EMILIN2: variants seen among roughly 807,000 people sequenced by gnomAD.
EMILIN2 encodes elastin microfibril interfacer 2.
In EMILIN2, 71 loss-of-function variants were observed where a neutral mutation model predicts 87.1. That is an observed-to-expected ratio of 0.82 (90% CI 0.67 to 0.99). EMILIN2 has a LOEUF of 0.99. Ranked by LOEUF, EMILIN2 falls within the 50% of genes least tolerant of loss-of-function variation. The pLI is 0.00. For missense variants in EMILIN2, 1,407 were observed against 1,371.8 expected (o/e 1.03, Z -0.40); for synonymous variants, 581 against 563.4 (o/e 1.03, Z -0.44).
intron 3 of EMILIN2, among the ~76,000 whole-genome samples, chr18:2,886,614 G>A (rs964352104): frequency 1.3e-5 from 2 of 152,092 alleles, no homozygotes; most frequent in African/African-American, 4.8e-5. Flanking sequence ...CATACAGTTA[G>A]ACCATATTCT....
chr18:2,885,262 A>C (rs1598496502), intron 3 of EMILIN2, 123 bp downstream of exon 3: 6 of 1,044,802 alleles, frequency 5.7e-6, no homozygotes. Flanking sequence ...ACACATAGAT[A>C]CCTGCAGTAG....
In EMILIN2 at chr18:2,913,645, AC is replaced by A; in HGVS notation, c.*242del. 3.0e-6 allele frequency: 1 copy of A among 332,102 alleles called. No homozygotes were observed. Among genetic ancestry groups the A allele is most frequent in the South Asian group, 1.2e-4 (1 of 8,348 alleles). 20.6% of individuals were successfully genotyped at this position (332,102 alleles called of 1,614,324 possible). A position where few individuals can be genotyped will look rare whatever the true frequency, so the allele number is the denominator to read the frequency against. On this transcript the variant is annotated 3_prime_UTR_variant, in exon 8 of 8. Coordinates refer to ENST00000254528, the MANE Select transcript of EMILIN2 (RefSeq NM_032048.3). ...GCCACTCTAACTGGACAACTGGAAGACTTGGAAAGGCCTCCACCTGTATCTA... is the reference window on the plus strand; with the variant it reads ...GCCACTCTAACTGGACAACTGGAAGATTGGAAAGGCCTCCACCTGTATCTA...
intron 5 of EMILIN2, among the ~76,000 whole-genome samples, chr18:2,907,797 CTG>C (rs1347885543): frequency 6.6e-6 from 1 of 152,214 alleles, no homozygotes; most frequent in Non-Finnish European, 1.5e-5. Context: ...GATGAGGAAA[CTG>C]AGATTTGTGG....
chr18:2,905,871 G>T (rs1469449852), intron 4 of EMILIN2, among the ~76,000 whole-genome samples: 1 of 150,492 alleles, frequency 6.6e-6, no homozygotes, highest in Non-Finnish European at 1.5e-5. Flanking sequence ...TGATCCGGCC[G>T]CGTCGGCCTC....
In EMILIN2 at chr18:2,848,093, C is replaced by T. The variant is rs1251927698; in HGVS notation, c.257+162C>T. Among the ~76,000 whole-genome samples the T allele has an allele frequency of 6.6e-6, 1 of 152,210 alleles. No individual in the cohort carries two copies. The highest frequency in any genetic ancestry group is 1.5e-5 in the Non-Finnish European group (1 of 68,024). ...GCTCCGAGCGCTCGCGGGGCACCGG[C>T]CACGCTGGGCTATTTAGGGAGTGGG... is the stretch of plus-strand genomic sequence containing the variant. On this transcript the variant is annotated intron_variant, in intron 2 of 7. Transcript: ENST00000254528. The surrounding 1 kb of genome is among the most constrained non-coding windows in gnomAD (Gnocchi z 4.1).
At chr18:2,851,987 G>T (rs908376030) in intron 2 of EMILIN2, among the ~76,000 whole-genome samples, 6 of 152,154 alleles carry the variant, frequency 3.9e-5, no homozygotes, top group East Asian at 1.9e-4. Flanking sequence ...CTAATCCAGG[G>T]CTTTGCGGAC....
At position 2,883,873 on chromosome 18, in the gene EMILIN2, A is replaced by G. The variant is rs575968829; in HGVS notation, c.258-1091A>G. ...CTGCCATCTGCAAAAGCTGGTGGCT[A>G]CCTTTGCTAGCATCAGGAAAGGGAG... On this transcript the variant is annotated intron_variant, in intron 2 of 7. Transcript: ENST00000254528. Among the ~76,000 whole-genome samples the G allele has an allele frequency of 2.0e-5, 3 of 152,328 alleles. No individual in the cohort carries two copies. In the East Asian group the frequency reaches 5.8e-4, roughly 29 times the overall value.
rs192152478 is a variant in EMILIN2, at chr18:2,900,871, A to T, written c.2360-5912A>T. ...TGTCAGCACTTTGATGCTTTTTTTA[A>T]AAAAAAGTCTGAAGTCTTGATCAGC... On this transcript the variant is annotated intron_variant, in intron 4 of 7. Transcript: ENST00000254528. Among the ~76,000 whole-genome samples, 344 of 152,234 alleles carry T rather than the reference A, an allele frequency of 2.3e-3. 1 individual carries two copies. Among genetic ancestry groups the T allele is most frequent in the African/African-American group, 7.8e-3 (324 of 41,528 alleles).
intron 3 of EMILIN2, among the ~76,000 whole-genome samples, chr18:2,889,422 G>A (rs1002880227): frequency 1.3e-5 from 2 of 151,882 alleles, no homozygotes; most frequent in Non-Finnish European, 1.5e-5. Flanking sequence ...ACAGGCATGA[G>A]CCATCATGGC....
chr18:2,913,714 C>G lies in EMILIN2; in HGVS notation c.*310C>G. On this transcript the variant is annotated 3_prime_UTR_variant, in exon 8 of 8. Transcript: ENST00000254528. ...ACTGGGCCTGAGCTTGCCACAGAGG[C>G]TCCGTCTGACTGTGGGCTGGGAGGA... The G allele has an allele frequency of 3.5e-6, 1 of 289,488 alleles. No individual in the cohort carries two copies. Among genetic ancestry groups the G allele is most frequent in the South Asian group, 5.4e-5 (1 of 18,534 alleles). 17.9% of individuals were successfully genotyped at this position (289,488 alleles called of 1,614,324 possible).
chr18:2,883,502 AGGC>A (rs2076787695), intron 2 of EMILIN2, among the ~76,000 whole-genome samples: 1 of 152,236 alleles, frequency 6.6e-6, no homozygotes, highest in Non-Finnish European at 1.5e-5. Context: ...ATGATTTGCA[AGGC>A]AGGAAATCAC....
chr18:2,899,770 C>T (rs1279659111), intron 4 of EMILIN2, among the ~76,000 whole-genome samples: 1 of 152,150 alleles, frequency 6.6e-6, no homozygotes, highest in Non-Finnish European at 1.5e-5. Flanking sequence ...TCCCAAAGTG[C>T]TGGGATTACA....
chr18:2,900,328 C>G (rs1313280352), intron 4 of EMILIN2, among the ~76,000 whole-genome samples: 1 of 152,200 alleles, frequency 6.6e-6, no homozygotes, highest in Non-Finnish European at 1.5e-5. Context: ...GCCAGAACTA[C>G]AAGCACACAT....
intron 2 of EMILIN2, among the ~76,000 whole-genome samples, chr18:2,872,084 A>G (rs2076722579): frequency 6.6e-6 from 1 of 152,178 alleles, no homozygotes; most frequent in Non-Finnish European, 1.5e-5. Context: ...GTTATGGATG[A>G]TAGAGATAAG....
intron 2 of EMILIN2, among the ~76,000 whole-genome samples, chr18:2,875,927 C>G (rs1398481826): frequency 6.6e-6 from 1 of 151,254 alleles, no homozygotes; most frequent in Non-Finnish European, 1.5e-5. Context: ...AACTTCTATT[C>G]ATTACCCTAT....
At chr18:2,855,165 T>C (rs1217439444) in intron 2 of EMILIN2, among the ~76,000 whole-genome samples, 2 of 152,228 alleles carry the variant, frequency 1.3e-5, no homozygotes, top group African/African-American at 4.8e-5. Context: ...TTCCATTCCT[T>C]ATGGGCCCCT....
In EMILIN2 at chr18:2,901,205, A is replaced by G. The variant is rs201101367; in HGVS notation, c.2360-5578A>G. Among the ~76,000 whole-genome samples, 346 of 152,292 alleles carry G rather than the reference A, an allele frequency of 2.3e-3. 1 individual carries two copies. The highest frequency in any genetic ancestry group is 7.8e-3 in the African/African-American group (326 of 41,560). Reference sequence around the variant, plus strand: ...AACAGCTAAGGCCAGGCTTTCTCCAACAGCCTCTTCTCTGTGACAAGACAC... The same window carrying G: ...AACAGCTAAGGCCAGGCTTTCTCCAGCAGCCTCTTCTCTGTGACAAGACAC... On this transcript the variant is annotated intron_variant, in intron 4 of 7. Transcript: ENST00000254528.
chr18:2,873,581 C>T (rs1412103441), intron 2 of EMILIN2, among the ~76,000 whole-genome samples: 30 of 151,536 alleles, frequency 2.0e-4, no homozygotes, highest in Non-Finnish European at 2.9e-5. Context: ...GTGGCGGGCG[C>T]CTGTAGTCCC....
intron 3 of EMILIN2, among the ~76,000 whole-genome samples, chr18:2,889,979 CTT>C (rs1014134255): frequency 3.9e-5 from 6 of 152,156 alleles, no homozygotes; most frequent in Admixed American, 2.0e-4. Context: ...CTGTGAGACT[CTT>C]TGAGCACAGA....
Sources: allele counts gnomAD v4.1 joint callset (sites outside exome capture counted in the v4.1 genomes callset), GRCh38; gene constraint gnomAD v4.1.1; non-coding constraint Gnocchi (gnomAD v3.1); transcripts MANE v1.5; gene names NCBI Gene and HGNC (gene_info 2026-07-23, HGNC 2026-07-21).